KCNQ5: variants seen among roughly 807,000 people sequenced by gnomAD.
KCNQ5 encodes the protein potassium voltage-gated channel subfamily KQT member 5.
In KCNQ5, 30 loss-of-function variants were observed where a neutral mutation model predicts 98.2. That is an observed-to-expected ratio of 0.31 (90% CI 0.23 to 0.41). The LOEUF (loss-of-function observed/expected upper bound fraction) is 0.41, where lower values mean the gene tolerates loss of function less well. Ranked by LOEUF, KCNQ5 falls within the 10% of genes least tolerant of loss-of-function variation. KCNQ5 has a pLI of 1.00. For synonymous variants in KCNQ5, 458 were observed against 449.4 expected, an observed-to-expected ratio of 1.02 and a Z score of -0.24; for missense variants, 835 against 1,182.5, an observed-to-expected ratio of 0.71 and a Z score of 4.31.
At chr6:72,842,226 A>G (rs1244925199) in intron 1 of KCNQ5, among the ~76,000 whole-genome samples, 1 of 152,156 alleles carries the variant, frequency 6.6e-6, no homozygotes, top group Non-Finnish European at 1.5e-5. Context: ...AATGAGAGAG[A>G]AACATCTTTC....
chr6:72,713,630 A>G (rs1244710590), intron 1 of KCNQ5, among the ~76,000 whole-genome samples: 1 of 152,142 alleles, frequency 6.6e-6, no homozygotes, highest in Admixed American at 6.6e-5. Flanking sequence ...ACTGATACAA[A>G]TCTTCATTAA....
chr6:73,100,989 T>TA (rs34466027), intron 5 of KCNQ5, among the ~76,000 whole-genome samples: 6 of 151,712 alleles, frequency 4.0e-5, no homozygotes, highest in Non-Finnish European at 4.4e-5. Context: ...ATTGAAGCCA[T>TA]AAAAAAAATT....
rs191684472 is a variant in KCNQ5 at position 73,066,436 on chromosome 6, T to A, written c.617-10886T>A. ...GCTCCATGAGGGCAGAAAACTCTTC[T>A]CTTTTATTCACTGCTCTATACCTCA... On this transcript the variant is annotated intron_variant, in intron 3 of 13. Coordinates refer to ENST00000370398, the MANE Select transcript of KCNQ5 (RefSeq NM_019842.4). Among the ~76,000 whole-genome samples the A allele has an allele frequency of 2.0e-5, 3 of 152,322 alleles. No homozygotes were observed. In the East Asian group the frequency reaches 5.8e-4, roughly 29 times the overall value.
chr6:72,881,882 G>A (rs1260358730), intron 1 of KCNQ5, among the ~76,000 whole-genome samples: 2 of 152,076 alleles, frequency 1.3e-5, no homozygotes, highest in Admixed American at 1.3e-4. Context: ...AGTAGAGATG[G>A]GGTTTCGCCA....
chr6:72,903,995 T>C (rs550667786), intron 1 of KCNQ5, among the ~76,000 whole-genome samples: 1 of 152,348 alleles, frequency 6.6e-6, no homozygotes, highest in East Asian at 1.9e-4. Flanking sequence ...GTAATTGTTT[T>C]ATAAATTTGC....
At chr6:72,817,630 A>G (rs1775561738) in intron 1 of KCNQ5, among the ~76,000 whole-genome samples, 1 of 152,224 alleles carries the variant, frequency 6.6e-6, no homozygotes, top group Non-Finnish European at 1.5e-5. Flanking sequence ...TCAGTTGCTC[A>G]TGCCTGTAAT....
At chr6:73,053,882 A>T (rs1039818000) in intron 3 of KCNQ5, among the ~76,000 whole-genome samples, 4 of 152,150 alleles carry the variant, frequency 2.6e-5, no homozygotes, top group African/African-American at 4.8e-5. Context: ...ACGCAAAAAA[A>T]CATACAGAAG....
At chr6:73,184,988 AT>A (rs1778520659) in intron 11 of KCNQ5, among the ~76,000 whole-genome samples, 2 of 152,212 alleles carry the variant, frequency 1.3e-5, no homozygotes, top group Admixed American at 1.3e-4. Flanking sequence ...TCCCATGTTC[AT>A]TAAACTCTGG....
chr6:73,171,045 T>C (rs1238702909), intron 11 of KCNQ5, among the ~76,000 whole-genome samples: 1 of 152,210 alleles, frequency 6.6e-6, no homozygotes, highest in African/African-American at 2.4e-5. Context: ...TTTTAGTTGG[T>C]CATTTGGCAT....
At chr6:72,984,432 G>A (rs1033353272) in intron 1 of KCNQ5, among the ~76,000 whole-genome samples, 3 of 152,188 alleles carry the variant, frequency 2.0e-5, no homozygotes, top group Non-Finnish European at 4.4e-5. Flanking sequence ...TGCCCCTCCC[G>A]CAGCCAGGCT....
chr6:72,745,859 T>C (rs2840791), intron 1 of KCNQ5, among the ~76,000 whole-genome samples: 150,541 of 152,184 alleles, frequency 0.99, 74,470 homozygotes, highest in African/African-American at 1. Context: ...ATCTAGTGGT[T>C]CCTAGCAATC....
chr6:72,930,367 A>C (rs1488410639), intron 1 of KCNQ5, among the ~76,000 whole-genome samples: 2 of 152,134 alleles, frequency 1.3e-5, no homozygotes, highest in Non-Finnish European at 2.9e-5. Context: ...TAAATGTAAA[A>C]CATACCTCTT....
chr6:72,821,125 G>A (rs1057341124), intron 1 of KCNQ5, among the ~76,000 whole-genome samples: 2 of 152,206 alleles, frequency 1.3e-5, no homozygotes, highest in Non-Finnish European at 2.9e-5. Context: ...CATAAAAGCA[G>A]TAAACCACAA....
rs1046302520 is a variant in KCNQ5, at chr6:72,622,973, A to G, written c.398+386A>G. On this transcript the variant is annotated intron_variant, in intron 1 of 13. Coordinates refer to ENST00000370398, the MANE Select transcript of KCNQ5 (RefSeq NM_019842.4). The surrounding 1 kb of genome is among the most constrained non-coding windows in gnomAD (Gnocchi z 6.0). ...CAAAGGGAGGACAGGCGCCCGTGTG[A>G]GGCTTGAGAGTATACTGGAGAGGTT... 8.6e-5 allele frequency among the ~76,000 whole-genome samples: 13 copies of G among 151,922 alleles called. No homozygotes were observed. The highest frequency in any genetic ancestry group is 2.9e-4 in the African/African-American group (12 of 41,346).
At chr6:72,807,956 AG>A (rs1561996689) in intron 1 of KCNQ5, among the ~76,000 whole-genome samples, 1 of 152,208 alleles carries the variant, frequency 6.6e-6, no homozygotes, top group Non-Finnish European at 1.5e-5. Flanking sequence ...GCTATGTTAT[AG>A]AAAGGGAAGT....
chr6:73,020,208 C>G (rs139648618), intron 2 of KCNQ5, among the ~76,000 whole-genome samples: 3 of 152,144 alleles, frequency 2.0e-5, no homozygotes, highest in African/African-American at 7.2e-5. Context: ...ACTGCCCCAA[C>G]TTTCAGATGC....
intron 1 of KCNQ5, among the ~76,000 whole-genome samples, chr6:72,783,532 C>G (rs72941522): frequency 2.0e-5 from 3 of 152,286 alleles, no homozygotes; most frequent in Non-Finnish European, 4.4e-5. Flanking sequence ...TTTGCCTGTT[C>G]TCTCTACCTG....
intron 3 of KCNQ5, chr6:73,055,675 T>A: frequency 8.8e-7 from 1 of 1,132,508 alleles, no homozygotes; most frequent in East Asian, 2.4e-5. Context: ...CTGACAAGCA[T>A]CTGAAGGGTC....
chr6:72,724,151 T>G (rs961227514), intron 1 of KCNQ5, among the ~76,000 whole-genome samples: 2 of 152,152 alleles, frequency 1.3e-5, no homozygotes, highest in Non-Finnish European at 2.9e-5. Context: ...CTTATTTTTA[T>G]GTAAGACATA....
Sources: gnomAD v4.1 joint callset for allele counts (sites outside exome capture counted in the v4.1 genomes callset) on GRCh38, gnomAD v4.1.1 for gene constraint, Gnocchi (gnomAD v3.1) non-coding constraint, MANE v1.5 for transcripts, NCBI Gene and HGNC (gene_info 2026-07-23, HGNC 2026-07-21) for gene names.